POLRMT: variants seen among roughly 807,000 people sequenced by gnomAD.
POLRMT encodes the protein RNA polymerase mitochondrial.
Under a neutral mutation model 132.2 loss-of-function variants are expected in POLRMT, and 114 were observed. The ratio of observed to expected loss-of-function variants is 0.86; its 90% CI spans 0.74 to 1.01. POLRMT has a LOEUF of 1.01. Among genes scored for constraint, POLRMT ranks in the 50% least tolerant of loss-of-function variants. The pLI is 0.00. For synonymous variants in POLRMT, 1,020 were observed against 773.4 expected, an observed-to-expected ratio of 1.32 and a Z score of -5.29; for missense variants, 2,003 against 1,729.1, an observed-to-expected ratio of 1.16 and a Z score of -2.81.
chr19:621,147 AC>A lies in POLRMT; in HGVS notation c.2550del (p.Leu851Ter), dbSNP rs1984546950. The A allele has an allele frequency of 1.2e-6, 2 of 1,610,806 alleles. No individual in the cohort carries two copies. The highest frequency in any genetic ancestry group is 2.2e-5 in the East Asian group (1 of 44,742). On this transcript the variant is annotated frameshift_variant, in exon 10 of 21. Coordinates refer to ENST00000588649, the MANE Select transcript of POLRMT (RefSeq NM_005035.4). LOFTEE classifies it high-confidence loss of function. ...WLKIHLVNLTGLKKREPLRKR... is the reference protein window; with the variant it reads ...WLKIHLVNLTXLKKREPLRKR... The stretch of plus-strand genomic sequence containing the variant: ...TTCCGCAGCGGCTCCCGCTTCTTCA[AC>A]CCCGTGAGATTGACCAGGTGGATCT...
chr19:619,480 G>C (rs1370007635), intron 13 of POLRMT, 106 bp downstream of exon 13: 1 of 1,475,882 alleles, frequency 6.8e-7, no homozygotes, highest in Non-Finnish European at 9.3e-7. Flanking sequence ...AGTGGTCTGG[G>C]GGAGCAGCCA....
At chr19:633,339 A>C in intron 1 of POLRMT, 86 bp downstream of exon 1, 1 of 1,358,604 alleles carries the variant, frequency 7.4e-7, no homozygotes, top group Non-Finnish European at 9.6e-7. Context: ...AAAGAGGCAA[A>C]GGTCAAAGCG....
At chr19:618,452 A>G in intron 17 of POLRMT, 36 bp downstream of exon 17, 1 of 1,491,146 alleles carries the variant, frequency 6.7e-7, no homozygotes, top group Non-Finnish European at 9.2e-7. Context: ...CGCCCCTGGG[A>G]GGCGAGCGGC....
rs1984389613 is a variant in POLRMT at position 620,057 on chromosome 19, C to T, written c.2787G>A (p.Gln929=). Reference sequence around the variant, plus strand: ...TGTCGCGGCCCAGAGCAGCATAATGCTGCAGGCCGTTGCAAGAGCCGTCCT... The same window carrying T: ...TGTCGCGGCCCAGAGCAGCATAATGTTGCAGGCCGTTGCAAGAGCCGTCCT... The part of the protein sequence containing the change: ...VHQDGSCNGL[Q]HYAALGRDSV... The change falls in exon 12 of 21, where the codon CAG becomes CAA. Residue 929 remains glutamine, a synonymous_variant. Transcript: ENST00000588649. 1.9e-6 allele frequency: 3 copies of T among 1,548,120 alleles called. No homozygotes were observed. The highest frequency in any genetic ancestry group is 2.3e-5 in the South Asian group (2 of 85,230).
At chr19:618,192 G>C (rs1418868531) in intron 17 of POLRMT, 4 of 546,884 alleles carry the variant, frequency 7.3e-6, no homozygotes, top group Non-Finnish European at 1.3e-5. Context: ...GATTCTGCTG[G>C]AACGACCTCC....
chr19:619,473 G>T (rs1360708045), intron 13 of POLRMT, 113 bp downstream of exon 13: 7 of 1,447,264 alleles, frequency 4.8e-6, no homozygotes, highest in Admixed American at 3.7e-5. Flanking sequence ...GGCAGCCAGT[G>T]GTCTGGGGGA....
chr19:622,184 G>A lies in POLRMT; in HGVS notation c.1816C>T (p.Leu606Phe), dbSNP rs752429564. 9 of 1,572,254 alleles carry A rather than the reference G, an allele frequency of 5.7e-6. No individual in the cohort carries two copies. Among genetic ancestry groups the A allele is most frequent in the Non-Finnish European group, 2.6e-6 (3 of 1,163,006 alleles). Residue 606 changes from leucine to phenylalanine, a missense_variant, in exon 9 of 21, where the codon CTC becomes TTC. Transcript: ENST00000588649. ...TTGCGGAAGGAATACACGTGGTAGA[G>A]CACGGGGACAAGCCGAGAGGAACGA... ...PHRSSRLVPV[L>F]YHVYSFRNVQ...
At chr19:617,900 C>CA (rs1984130185) in intron 17 of POLRMT, 51 bp from the exon 18 acceptor site, 1 of 1,540,488 alleles carries the variant, frequency 6.5e-7, no homozygotes, top group Admixed American at 1.7e-5. Flanking sequence ...CAGGGCCACC[C>CA]AGTGACCAGC....
At chr19:632,081 T>C (rs1456781543) in intron 2 of POLRMT, among the ~76,000 whole-genome samples, 3 of 146,732 alleles carry the variant, frequency 2.0e-5, no homozygotes, top group Admixed American at 6.8e-5. Flanking sequence ...CCTCGGACCC[T>C]TGACCTCTTG....
rs761226464 is a variant in POLRMT, at chr19:623,517, G to T, written c.1227C>A (p.Ala409=). ...CCACGGACACCACGCACACCCTGCT[G>T]GCCAGCTCCATGTGGAGCTGCTTCT... ...LFEKQLHMEL[A]SRVCVVSVEK... The change falls in exon 6 of 21, where the codon GCC becomes GCA. Residue 409 remains alanine (A), a synonymous_variant. Coordinates refer to ENST00000588649, the MANE Select transcript of POLRMT (RefSeq NM_005035.4). 1 of 1,613,360 alleles carries T rather than the reference G, an allele frequency of 6.2e-7. No homozygotes were observed. Among genetic ancestry groups the T allele is most frequent in the South Asian group, 1.1e-5 (1 of 91,068 alleles).
At position 630,078 on chromosome 19, in the gene POLRMT, C is replaced by G; in HGVS notation, c.284G>C (p.Gly95Ala). Residue 95 changes from glycine to alanine, a missense_variant, in exon 3 of 21, where the codon GGC (glycine) becomes GCC (alanine). Coordinates refer to ENST00000588649, the MANE Select transcript of POLRMT (RefSeq NM_005035.4). ...RVDVARLPEC[G>A]SGDGSLQPPR... ...TGGCTGGAGGCTACCATCTCCACTG[C>G]CACATTCTGGGAGCCGCGCCACATC... 6.2e-7 allele frequency: 1 copy of G among 1,613,826 alleles called. No homozygotes were observed. Among genetic ancestry groups the G allele is most frequent in the Non-Finnish European group, 8.5e-7 (1 of 1,179,996 alleles).
At position 625,008 on chromosome 19, in the gene POLRMT, C is replaced by A. The variant is rs1406436190; in HGVS notation, c.954-103G>T. 9.9e-6 allele frequency: 15 copies of A among 1,519,662 alleles called. No homozygotes were observed. The East Asian group carries it at 3.0e-4, about 31-fold the overall frequency. 94.1% of individuals were successfully genotyped at this position (1,519,662 alleles called of 1,614,324 possible). On this transcript the variant is annotated intron_variant, in intron 4 of 20. Coordinates refer to ENST00000588649, the MANE Select transcript of POLRMT (RefSeq NM_005035.4). ...CCACCTCCTGCTAGCCTGCAGGTCTCGGTGTGGCTGTCAGGCCCTCTGGGG... is the reference window on the plus strand; with the variant it reads ...CCACCTCCTGCTAGCCTGCAGGTCTAGGTGTGGCTGTCAGGCCCTCTGGGG...
chr19:617,559 G>C lies in POLRMT; in HGVS notation c.3581+11C>G. On this transcript the variant is annotated intron_variant, in intron 19 of 20. Transcript: ENST00000588649. ...GGGAATCCAGGTAGTTGGGGTCAGGGAGCGCCTTACTCAGAGCAGAACCGC... is the reference window on the plus strand; with the variant it reads ...GGGAATCCAGGTAGTTGGGGTCAGGCAGCGCCTTACTCAGAGCAGAACCGC... 6.2e-7 allele frequency: 1 copy of C among 1,611,240 alleles called. No homozygotes were observed. The highest frequency in any genetic ancestry group is 8.5e-7 in the Non-Finnish European group (1 of 1,179,848).
In POLRMT at chr19:620,451, G is replaced by A. The variant is rs914011188; in HGVS notation, c.2677C>T (p.Gln893Ter). ...KWWMGAEEPW[Q>*]TLACCMEVAN... is the part of the protein sequence containing the mutation. ...ACCTCCATACAGCAGGCCAGCGTCT[G>A]CCAGGGTTCCTCCGCGCCCATCCAC... The change falls in exon 11 of 21, where the codon CAG (glutamine) becomes TAG (stop). Residue 893 changes from glutamine to a stop codon, truncating the protein, a stop_gained. Coordinates refer to ENST00000588649, the MANE Select transcript of POLRMT (RefSeq NM_005035.4). LOFTEE classifies it high-confidence loss of function. 1.9e-6 allele frequency: 3 copies of A among 1,600,714 alleles called. No homozygotes were observed. Among genetic ancestry groups the A allele is most frequent in the Non-Finnish European group, 1.7e-6 (2 of 1,173,744 alleles).
chr19:630,239 T>C (rs955797665), intron 2 of POLRMT, 71 bp from the exon 3 acceptor site: 13 of 1,501,166 alleles, frequency 8.7e-6, no homozygotes, highest in Non-Finnish European at 1.1e-5. Context: ...CTCTGGACCC[T>C]GAGCCAGGCC....
At chr19:620,225 A>G (rs1389169937) in intron 11 of POLRMT, 140 bp downstream of exon 11, 2 of 1,446,170 alleles carry the variant, frequency 1.4e-6, no homozygotes, top group Non-Finnish European at 1.8e-6. Context: ...CCCGGGAGAG[A>G]CCAGGAGCCA....
rs1984343467 is a variant in POLRMT, at chr19:619,654, C to T, written c.2998G>A (p.Gly1000Arg). ...VKQTVMTVVY[G>R]VTRYGGRLQI... is the part of the protein sequence containing the mutation. ...AGGCGCCCGCCATAGCGCGTGACCCCGTACACCACCGTCATCACCGTCTGC... is the reference window on the plus strand; with the variant it reads ...AGGCGCCCGCCATAGCGCGTGACCCTGTACACCACCGTCATCACCGTCTGC... Residue 1000 changes from glycine (G) to arginine (R), a missense_variant, in exon 13 of 21, where the codon GGG (glycine) becomes AGG (arginine). Gly to Arg is a moderately radical substitution (Grantham distance 125). Transcript: ENST00000588649. 2.5e-6 allele frequency: 4 copies of T among 1,610,632 alleles called. No homozygotes were observed. Among genetic ancestry groups the T allele is most frequent in the South Asian group, 1.1e-5 (1 of 90,994 alleles).
chr19:632,721 C>T, intron 2 of POLRMT, 113 bp downstream of exon 2: 2 of 856,584 alleles, frequency 2.3e-6, no homozygotes, highest in Non-Finnish European at 3.5e-6. Flanking sequence ...TGTCCTGGGA[C>T]CCGAGAGGTG....
In POLRMT at chr19:621,759, G is replaced by C; in HGVS notation, c.1939C>G (p.Pro647Ala). ...PTLTFEAVDVPMLCPPLPWTS... is the reference protein window; with the variant it reads ...PTLTFEAVDVAMLCPPLPWTS... ...CAGGGCAGCGGGGGGCAAAGCATGG[G>C]TACATCCACCGCCTCGAAGGTCAGC... The change falls in exon 10 of 21, where the codon CCC (proline) becomes GCC (alanine). Residue 647 changes from proline (P) to alanine (A), a missense_variant. Pro to Ala is a conservative substitution (Grantham distance 27, BLOSUM62 -1). Transcript: ENST00000588649. The C allele has an allele frequency of 6.2e-7, 1 of 1,601,428 alleles. No homozygotes were observed. The highest frequency in any genetic ancestry group is 8.5e-7 in the Non-Finnish European group (1 of 1,179,754).
Sources: allele counts gnomAD v4.1 joint callset (sites outside exome capture counted in the v4.1 genomes callset), GRCh38; gene constraint gnomAD v4.1.1; transcripts MANE v1.5; gene names NCBI Gene and HGNC (gene_info 2026-07-23, HGNC 2026-07-21).